GPBP1L1: variants seen among roughly 807,000 people sequenced by gnomAD.
GPBP1L1 encodes the protein vasculin-like protein 1.
GPBP1L1 carries 23 observed loss-of-function variants against 52.5 expected under a neutral mutation model. The observed-to-expected ratio is 0.44, with a 90% CI of 0.32 to 0.62. The LOEUF (loss-of-function observed/expected upper bound fraction) is 0.62, where lower values mean the gene tolerates loss of function less well. Among genes scored for constraint, GPBP1L1 ranks in the 20% least tolerant of loss-of-function variants. The pLI is 0.06. For missense variants in GPBP1L1, 596 were observed against 579.3 expected (o/e 1.03, Z -0.30); for synonymous variants, 243 against 203.1 (o/e 1.20, Z -1.67).
chr1:45,651,773 G>A (rs1053108086), intron 6 of GPBP1L1: 5 of 313,244 alleles, frequency 1.6e-5, no homozygotes, highest in Admixed American at 1.4e-4. Context: ...GCTTCTTGAC[G>A]ACAGCAGGGG....
rs1644861906 is a variant in GPBP1L1, at chr1:45,654,682, C to T, written c.338G>A (p.Gly113Asp). 1.2e-6 allele frequency: 2 copies of T among 1,614,074 alleles called. No homozygotes were observed. Among genetic ancestry groups the T allele is most frequent in the East Asian group, 2.2e-5 (1 of 44,896 alleles). Residue 113 changes from glycine to aspartate, a missense_variant, in exon 6 of 13, where the codon GGC becomes GAC. Coordinates refer to ENST00000355105, the MANE Select transcript of GPBP1L1 (RefSeq NM_021639.5). ...ATTCCAATGGCGATGGTTCCCTGTGCCACCTCCACTACGTTGGCTCATGCC... is the reference window on the plus strand; with the variant it reads ...ATTCCAATGGCGATGGTTCCCTGTGTCACCTCCACTACGTTGGCTCATGCC... ...HDGMSQRSGG[G>D]TGNHRHWNGS... is the part of the protein sequence containing the mutation.
intron 10 of GPBP1L1, among the ~76,000 whole-genome samples, chr1:45,631,649 G>C (rs925580297): frequency 6.6e-6 from 1 of 152,220 alleles, no homozygotes; most frequent in Admixed American, 6.5e-5. Context: ...AGACAGTGTA[G>C]TTGCTCACAC....
intron 2 of GPBP1L1, among the ~76,000 whole-genome samples, chr1:45,667,372 T>C (rs2148495959): frequency 6.6e-6 from 1 of 152,316 alleles, no homozygotes; most frequent in Non-Finnish European, 1.5e-5. Context: ...ATCTGTCAAA[T>C]ATTTTATCTC....
chr1:45,630,746 A>G, intron 10 of GPBP1L1, 140 bp from the exon 11 acceptor site: 1 of 819,510 alleles, frequency 1.2e-6, no homozygotes. Context: ...TTCCCCATTT[A>G]CAAATGAGGA....
At chr1:45,643,812 G>C (rs1039202938) in intron 6 of GPBP1L1, among the ~76,000 whole-genome samples, 1 of 151,736 alleles carries the variant, frequency 6.6e-6, no homozygotes, top group African/African-American at 2.4e-5. Flanking sequence ...TGGGATTACA[G>C]GTGCGCACCA....
chr1:45,651,683 CT>C, intron 6 of GPBP1L1: 1 of 616,164 alleles, frequency 1.6e-6, no homozygotes, highest in South Asian at 1.8e-5. Flanking sequence ...GGTGAGGTCT[CT>C]TTTGGGCTGG....
chr1:45,665,378 G>A (rs1266603036), intron 2 of GPBP1L1, among the ~76,000 whole-genome samples: 1 of 152,164 alleles, frequency 6.6e-6, no homozygotes, highest in Non-Finnish European at 1.5e-5. Context: ...TGTTCTACTG[G>A]TAGAATTTTC....
intron 7 of GPBP1L1, among the ~76,000 whole-genome samples, chr1:45,641,354 C>T (rs1039262398): frequency 2.0e-5 from 3 of 151,984 alleles, no homozygotes; most frequent in East Asian, 3.9e-4. Context: ...AGATTCCTAT[C>T]GCACCACTGC....
chr1:45,654,701 T>C lies in GPBP1L1; in HGVS notation c.319A>G (p.Ser107Gly), dbSNP rs556701267. Residue 107 changes from serine (S) to glycine (G), a missense_variant, in exon 6 of 13, where the codon AGC becomes GGC. Coordinates refer to ENST00000355105, the MANE Select transcript of GPBP1L1 (RefSeq NM_021639.5). ...HSSSRGHDGM[S>G]QRSGGGTGNH... ...CCTGTGCCACCTCCACTACGTTGGC[T>C]CATGCCATCATGACCTCGGGAAGAG... 1 of 1,614,184 alleles carries C rather than the reference T, an allele frequency of 6.2e-7. No homozygotes were observed. The highest frequency in any genetic ancestry group is 2.2e-5 in the East Asian group (1 of 44,880).
At chr1:45,682,061 G>A (rs1569898122) in intron 2 of GPBP1L1, among the ~76,000 whole-genome samples, 1 of 152,270 alleles carries the variant, frequency 6.6e-6, no homozygotes, top group South Asian at 2.1e-4. Flanking sequence ...CAGCATCTGA[G>A]TTTATGAAGC....
intron 2 of GPBP1L1, among the ~76,000 whole-genome samples, chr1:45,661,921 T>C (rs370788170): frequency 1.3e-5 from 2 of 152,208 alleles, no homozygotes; most frequent in South Asian, 2.1e-4. Context: ...AAGAACCATA[T>C]AGCTTGCTGG....
intron 3 of GPBP1L1, 36 bp downstream of exon 3, chr1:45,660,148 T>A: frequency 1.0e-6 from 1 of 977,538 alleles, no homozygotes; most frequent in Non-Finnish European, 1.2e-6. Context: ...ATACATAGAG[T>A]CTTCTTTCCA....
At chr1:45,641,834 A>C (rs1450856488) in intron 7 of GPBP1L1, 1 of 149,110 alleles carries the variant, frequency 6.7e-6, no homozygotes, top group East Asian at 1.9e-4. Flanking sequence ...AAAAAAAAAA[A>C]GTAAGTGAAG....
At chr1:45,658,274 C>T (rs1194382482) in intron 4 of GPBP1L1, among the ~76,000 whole-genome samples, 2 of 152,186 alleles carry the variant, frequency 1.3e-5, no homozygotes, top group Admixed American at 1.3e-4. Context: ...TCCTCCTCTT[C>T]ATCTATCGCC....
In GPBP1L1 at chr1:45,642,311, T is replaced by C. The variant is rs1644684704; in HGVS notation, c.550+116A>G. On this transcript the variant is annotated intron_variant, in intron 7 of 12. Transcript: ENST00000355105. ...CGCTACAGTCAGATGTTAGTTACCA[T>C]GGGCAAATGCATGAGATGAGAAACA... The C allele has an allele frequency of 5.4e-6, 4 of 743,850 alleles. No individual in the cohort carries two copies. The Admixed American group carries it at 8.8e-5, about 16-fold the overall frequency. The allele number at this position is 743,850 out of a possible 1,614,324, so 46.1% of individuals were successfully genotyped here. A position where few individuals can be genotyped will look rare whatever the true frequency, so the allele number is the denominator to read the frequency against.
At chr1:45,648,100 A>G (rs1040492208) in intron 6 of GPBP1L1, among the ~76,000 whole-genome samples, 7 of 152,024 alleles carry the variant, frequency 4.6e-5, no homozygotes, top group African/African-American at 7.3e-5. Context: ...CACCACGTCC[A>G]GCTAATTTTT....
At chr1:45,667,481 T>C (rs1473546002) in intron 2 of GPBP1L1, among the ~76,000 whole-genome samples, 3 of 152,186 alleles carry the variant, frequency 2.0e-5, no homozygotes. Flanking sequence ...AAGTTTATAC[T>C]GCTAGGAGAG....
At chr1:45,683,377 T>C (rs943925241) in intron 2 of GPBP1L1, among the ~76,000 whole-genome samples, 1 of 151,292 alleles carries the variant, frequency 6.6e-6, no homozygotes, top group Admixed American at 6.6e-5. Flanking sequence ...AGCTAATTTT[T>C]TGTATTTTTA....
chr1:45,640,349 G>C lies in GPBP1L1; in HGVS notation c.605C>G (p.Ser202Cys), dbSNP rs1644655766. 6.2e-7 allele frequency: 1 copy of C among 1,614,208 alleles called. No individual in the cohort carries two copies. Among genetic ancestry groups the C allele is most frequent in the Non-Finnish European group, 8.5e-7 (1 of 1,180,034 alleles). ...PSKMLVIKKV[S>C]KEDPAAAFSA... ...GAAGGCAGCAGCAGGATCCTCTTTG[G>C]AAACTTTTTTGATAACTAGCATCTT... The change falls in exon 8 of 13, where the codon TCC becomes TGC. Residue 202 changes from serine to cysteine, a missense_variant. By Grantham distance (112) the Ser-to-Cys change is moderately radical (BLOSUM62 -1). Transcript: ENST00000355105.
Sources: allele counts gnomAD v4.1 joint callset (sites outside exome capture counted in the v4.1 genomes callset), GRCh38; gene constraint gnomAD v4.1.1; transcripts MANE v1.5; gene names NCBI Gene and HGNC (gene_info 2026-07-23, HGNC 2026-07-21).